Variants in CEMIP observed in about 807,000 individuals in gnomAD.
CEMIP encodes cell migration inducing hyaluronidase 1.
A neutral mutation model predicts 156.9 loss-of-function variants in CEMIP; 105 were observed. The observed-to-expected ratio is 0.67, with a 90% confidence interval of 0.57 to 0.79. The LOEUF is 0.79. CEMIP is among the 30% of genes least tolerant of loss of function. The pLI is 0.00. For synonymous variants in CEMIP, 676 were observed against 668.4 expected (o/e 1.01, Z -0.17); for missense variants, 1,457 against 1,769.4 (o/e 0.82, Z 3.17).
At chr15:80,896,858 C>T (rs538553812) in intron 12 of CEMIP, among the ~76,000 whole-genome samples, 52 of 152,324 alleles carry the variant, frequency 3.4e-4, no homozygotes, top group African/African-American at 1.2e-3. Flanking sequence ...TCCAAAAGGA[C>T]AGGGAACAGG....
intron 14 of CEMIP, among the ~76,000 whole-genome samples, chr15:80,918,974 C>A (rs1045469338): frequency 9.2e-5 from 14 of 152,090 alleles, no homozygotes; most frequent in Admixed American, 7.9e-4. Context: ...AAAAAAGTGA[C>A]TGAAGAGAAG....
At chr15:80,940,789 T>C (rs980399599) in intron 25 of CEMIP, among the ~76,000 whole-genome samples, 7 of 151,884 alleles carry the variant, frequency 4.6e-5, no homozygotes, top group Non-Finnish European at 1.0e-4. Context: ...AGGGAGGAGG[T>C]AGCCTGCCTA....
At chr15:80,927,842 T>C (rs1174688246) in intron 19 of CEMIP, among the ~76,000 whole-genome samples, 1 of 151,986 alleles carries the variant, frequency 6.6e-6, no homozygotes, top group Non-Finnish European at 1.5e-5. Flanking sequence ...GGAAAATAAA[T>C]GGATAAGACA....
chr15:80,834,595 G>A (rs142014559), intron 1 of CEMIP, among the ~76,000 whole-genome samples: 2 of 152,340 alleles, frequency 1.3e-5, no homozygotes, highest in East Asian at 1.9e-4. Context: ...TATAATCCGT[G>A]TGGCTGTCTT....
intron 1 of CEMIP, among the ~76,000 whole-genome samples, chr15:80,788,081 C>G (rs905554685): frequency 7.2e-5 from 11 of 152,086 alleles, no homozygotes; most frequent in African/African-American, 2.7e-4. Flanking sequence ...AGGCCCCTGT[C>G]GGTGTGCAAA....
In CEMIP at chr15:80,807,276, G is replaced by A. The variant is rs1896537026; in HGVS notation, c.-176+27662G>A. Among the ~76,000 whole-genome samples the A allele has an allele frequency of 3.3e-5, 5 of 151,218 alleles. No individual in the cohort carries two copies. The South Asian group carries it at 1.0e-3, about 32-fold the overall frequency. On this transcript the variant is annotated intron_variant, in intron 1 of 29. Transcript: ENST00000394685. ...GACAGGGTCTCGTTCTGTCACCAAG[G>A]CTAGAGTGCAGTGGCACAATCATAG...
At position 80,839,289 on chromosome 15, in the gene CEMIP, AGTGTGTGTGTGTGT is replaced by A. The variant is rs34172431; in HGVS notation, c.-175-34220_-175-34207del. Reference sequence around the variant, plus strand: ...TGAAGGCTGTGGAGTCAAGGCCGTGAGTGTGTGTGTGTGTGTGTGTGTGTGTGTGTGTGTGTGTG... The same window carrying A: ...TGAAGGCTGTGGAGTCAAGGCCGTGAGTGTGTGTGTGTGTGTGTGTGTGTG... On this transcript the variant is annotated intron_variant, in intron 1 of 29. Transcript: ENST00000394685. 4.3e-4 allele frequency among the ~76,000 whole-genome samples: 56 copies of A among 131,182 alleles called. 1 individual carries two copies. Among genetic ancestry groups the A allele is most frequent in the South Asian group, 2.6e-3 (10 of 3,782 alleles). The allele number at this position is 131,182 out of a possible 152,430, so 86.1% of individuals were successfully genotyped here. A position where few individuals can be genotyped will look rare whatever the true frequency, so the allele number is the denominator to read the frequency against.
Position 80,941,700 on chromosome 15 carries a change from T to C in CEMIP, c.3408-149T>C, listed in dbSNP as rs890542548. 20 of 711,850 alleles carry C rather than the reference T, an allele frequency of 2.8e-5. No homozygotes were observed. In the East Asian group the frequency reaches 5.3e-4, roughly 19 times the overall value. 44.1% of individuals were successfully genotyped at this position (711,850 alleles called of 1,614,324 possible). On this transcript the variant is annotated intron_variant, in intron 25 of 29. Transcript: ENST00000394685. ...TTTGTTCCTTATTTCTCCAACTACA[T>C]GCAACTCGGTGGTAGACATGGTTCC...
intron 25 of CEMIP, chr15:80,938,217 CA>C (rs1901208303): frequency 6.2e-6 from 3 of 483,292 alleles, no homozygotes; most frequent in Admixed American, 3.5e-5. Flanking sequence ...AGGGAATTTA[CA>C]TATTTCAGAA....
chr15:80,918,709 T>G (rs1171395208), intron 14 of CEMIP, among the ~76,000 whole-genome samples: 1 of 152,020 alleles, frequency 6.6e-6, no homozygotes, highest in Non-Finnish European at 1.5e-5. Context: ...TAAGTGAGGT[T>G]TTTCTCACCA....
intron 6 of CEMIP, among the ~76,000 whole-genome samples, chr15:80,883,652 G>C (rs1051931810): frequency 6.6e-5 from 10 of 152,176 alleles, no homozygotes; most frequent in African/African-American, 2.4e-4. Flanking sequence ...TTGGATCTCT[G>C]CAAGTAACTC....
At chr15:80,830,001 T>TGTGTGTGCAC (rs1297001861) in intron 1 of CEMIP, among the ~76,000 whole-genome samples, 2 of 81,500 alleles carry the variant, frequency 2.5e-5, no homozygotes, top group African/African-American at 9.0e-5. Context: ...TGTGTGTGTG[T>TGTGTGTGCAC]GCGCGCATGT....
chr15:80,944,162 C>T (rs976255573), intron 28 of CEMIP, among the ~76,000 whole-genome samples: 1 of 152,158 alleles, frequency 6.6e-6, no homozygotes, highest in Non-Finnish European at 1.5e-5. Flanking sequence ...CACCTGTAGT[C>T]CCAGCTACTC....
intron 1 of CEMIP, among the ~76,000 whole-genome samples, chr15:80,837,208 G>T (rs1897288340): frequency 6.6e-6 from 1 of 152,216 alleles, no homozygotes; most frequent in African/African-American, 2.4e-5. Context: ...AGAATGATTT[G>T]CTTCATAAGC....
chr15:80,894,162 C>T (rs955989103), intron 10 of CEMIP, among the ~76,000 whole-genome samples: 2 of 152,194 alleles, frequency 1.3e-5, no homozygotes, highest in Non-Finnish European at 1.5e-5. Context: ...CAGCTCCTTG[C>T]CCACCCAGAG....
Position 80,881,747 on chromosome 15 carries a change from A to G in CEMIP, c.617+611A>G, listed in dbSNP as rs191265157. Among the ~76,000 whole-genome samples the G allele has an allele frequency of 1.7e-3, 265 of 152,320 alleles. 1 individual carries two copies. The highest frequency in any genetic ancestry group is 6.8e-3 in the Middle Eastern group (2 of 294). ...GTCACTGAAAGTCTTTAAGAAGAGC[A>G]TGATCTGATTTAAAAGTACCTTCTG... On this transcript the variant is annotated intron_variant, in intron 6 of 29. Transcript: ENST00000394685.
At chr15:80,829,802 A>C (rs1056081585) in intron 1 of CEMIP, among the ~76,000 whole-genome samples, 2 of 152,328 alleles carry the variant, frequency 1.3e-5, no homozygotes, top group South Asian at 4.1e-4. Flanking sequence ...AATACCTTTA[A>C]GGAGTATTGG....
chr15:80,796,070 T>G (rs1337834411), intron 1 of CEMIP, among the ~76,000 whole-genome samples: 1 of 152,224 alleles, frequency 6.6e-6, no homozygotes, highest in Non-Finnish European at 1.5e-5. Context: ...TCCCATAACT[T>G]TAAACTTTAA....
chr15:80,928,297 G>C (rs767482668), intron 19 of CEMIP, among the ~76,000 whole-genome samples: 1 of 152,100 alleles, frequency 6.6e-6, no homozygotes, highest in Admixed American at 6.5e-5. Flanking sequence ...CCCCCCAGAA[G>C]CATGCTCATC....
Sources: allele counts gnomAD v4.1 joint callset (sites outside exome capture counted in the v4.1 genomes callset), GRCh38; gene constraint gnomAD v4.1.1; transcripts MANE v1.5; gene names NCBI Gene and HGNC (gene_info 2026-07-23, HGNC 2026-07-21).